Variants in ANK2 observed in about 807,000 individuals in gnomAD.
The protein encoded by ANK2 is ankyrin-2.
ANK2 carries 83 observed loss-of-function variants against 360.5 expected under a neutral mutation model. The ratio of observed to expected loss-of-function variants is 0.23; its 90% CI spans 0.19 to 0.28. ANK2 has a LOEUF of 0.28. ANK2 is among the 10% of genes least tolerant of loss of function. The pLI, the probability that ANK2 is intolerant of heterozygous loss-of-function variation, is 1.00. For missense variants in ANK2, 4,201 were observed against 4,795.7 expected (o/e 0.88, Z 3.66); for synonymous variants, 1,740 against 1,759.5 (o/e 0.99, Z 0.28).
At chr4:113,340,092 G>A (rs1402676242) in intron 32 of ANK2, among the ~76,000 whole-genome samples, 1 of 152,194 alleles carries the variant, frequency 6.6e-6, no homozygotes, top group Non-Finnish European at 1.5e-5. Context: ...CCACCCAGAG[G>A]CTCAACTATT....
chr4:113,210,406 G>A (rs1049501179), intron 4 of ANK2, among the ~76,000 whole-genome samples: 1 of 152,208 alleles, frequency 6.6e-6, no homozygotes, highest in Admixed American at 6.5e-5. Flanking sequence ...AGGACTTTGG[G>A]TCCTTAGTAT....
At chr4:113,260,310 A>G (rs29419) in intron 13 of ANK2, among the ~76,000 whole-genome samples, 4,343 of 152,330 alleles carry the variant, frequency 0.029, 101 homozygotes, top group East Asian at 0.068. Flanking sequence ...ATTAATTGAA[A>G]CAAACAATTT....
At chr4:112,772,706 T>C in the ANK2 span, among the ~76,000 whole-genome samples, 1 of 152,300 alleles carries the variant, frequency 6.6e-6, no homozygotes, top group African/African-American at 2.4e-5. Context: ...AGGGGAGTGT[T>C]GAGGCCCTTG....
chr4:112,742,467 A>G, the ANK2 span, among the ~76,000 whole-genome samples: 2 of 151,942 alleles, frequency 1.3e-5, no homozygotes, highest in Non-Finnish European at 2.9e-5. Context: ...CACACCCTAG[A>G]TAAGATTGGC....
chr4:113,079,316 C>T (rs1033247164), intron 1 of ANK2, among the ~76,000 whole-genome samples: 16 of 152,192 alleles, frequency 1.1e-4, no homozygotes, highest in Non-Finnish European at 1.5e-4. Context: ...TTCTAACCTA[C>T]ATGAACTGGG....
In ANK2 at chr4:113,274,532, T is replaced by C. The variant is rs777964544; in HGVS notation, c.1566T>C (p.His522=). 6.2e-7 allele frequency: 1 copy of C among 1,614,216 alleles called. No individual in the cohort carries two copies. Among genetic ancestry groups the C allele is most frequent in the Non-Finnish European group, 8.5e-7 (1 of 1,180,036 alleles). ...AGCTGCTTCTACAACATATGGCTCA[T>C]CCAGATGCGGCCACTACAAATGGGT... ...IVQLLLQHMA[H]PDAATTNGYT... is the part of the protein sequence containing the mutation. The change falls in exon 15 of 46, where the codon CAT becomes CAC. Residue 522 remains histidine, a synonymous_variant. Coordinates refer to ENST00000357077, the MANE Select transcript of ANK2 (RefSeq NM_001148.6).
chr4:113,195,253 T>G (rs1444748348), intron 2 of ANK2, among the ~76,000 whole-genome samples: 1 of 152,114 alleles, frequency 6.6e-6, no homozygotes, highest in Non-Finnish European at 1.5e-5. Flanking sequence ...GGTCAGGAAT[T>G]AACAATGAAA....
chr4:112,734,653 G>A, the ANK2 span, among the ~76,000 whole-genome samples: 2 of 152,220 alleles, frequency 1.3e-5, no homozygotes, highest in South Asian at 2.1e-4. Flanking sequence ...CTTATGCCAC[G>A]TATAATAACA....
chr4:112,767,713 T>C, the ANK2 span, among the ~76,000 whole-genome samples: 1 of 152,236 alleles, frequency 6.6e-6, no homozygotes, highest in Non-Finnish European at 1.5e-5. Flanking sequence ...ATATATGTTA[T>C]GAGTATGTAG....
chr4:112,964,473 C>G (rs1299366807), intron 2 of ANK2, among the ~76,000 whole-genome samples: 2 of 152,032 alleles, frequency 1.3e-5, no homozygotes, highest in African/African-American at 4.8e-5. Flanking sequence ...ATAATGACCT[C>G]CAGTTCCATC....
At chr4:112,782,869 C>CA in the ANK2 span, among the ~76,000 whole-genome samples, 19 of 129,980 alleles carry the variant, frequency 1.5e-4, no homozygotes, top group African/African-American at 4.9e-4. Flanking sequence ...GACTCCATCT[C>CA]AAAAAAAACA....
chr4:113,122,466 A>G (rs937004358), intron 1 of ANK2, among the ~76,000 whole-genome samples: 1 of 152,154 alleles, frequency 6.6e-6, no homozygotes, highest in East Asian at 1.9e-4. Flanking sequence ...CTCTACAAAC[A>G]TGGGAAATCT....
intron 2 of ANK2, among the ~76,000 whole-genome samples, chr4:112,935,186 G>A (rs1266698539): frequency 6.6e-6 from 1 of 151,926 alleles, no homozygotes; most frequent in African/African-American, 2.4e-5. Flanking sequence ...TGCCTTATAA[G>A]TTCTTGGCTT....
At chr4:113,049,191 A>G (rs1300400026), upstream of ANK2, among the ~76,000 whole-genome samples, 1 of 152,190 alleles carries the variant, frequency 6.6e-6, no homozygotes, top group East Asian at 1.9e-4. Context: ...AAACCAAGTG[A>G]ATGACATCTG....
At chr4:113,148,348 A>G (rs896779037) in intron 1 of ANK2, among the ~76,000 whole-genome samples, 4 of 152,200 alleles carry the variant, frequency 2.6e-5, no homozygotes, top group African/African-American at 9.6e-5. Context: ...GAGCAAAACC[A>G]TAGATGCGAT....
chr4:113,275,351 T>A (rs910921670), intron 15 of ANK2, among the ~76,000 whole-genome samples: 5 of 152,196 alleles, frequency 3.3e-5, no homozygotes, highest in African/African-American at 1.2e-4. Context: ...GAATAAAACA[T>A]GAATATACTC....
At chr4:113,129,287 G>GT (rs1394330499) in intron 1 of ANK2, among the ~76,000 whole-genome samples, 1 of 152,136 alleles carries the variant, frequency 6.6e-6, no homozygotes, top group African/African-American at 2.4e-5. Flanking sequence ...TCTAGCTTGT[G>GT]TTTAACTATC....
Position 113,339,211 on chromosome 4 carries a change from A to G in ANK2, c.3797-15A>G. ...GAGTTTTGCCTGATTTTTTTCAACA[A>G]TCATATTATTTCAGGTGGAACCACC... On this transcript the variant is annotated splice_polypyrimidine_tract_variant and intron_variant, in intron 31 of 45. Coordinates refer to ENST00000357077, the MANE Select transcript of ANK2 (RefSeq NM_001148.6). 1.2e-6 allele frequency: 2 copies of G among 1,602,596 alleles called. No homozygotes were observed. The highest frequency in any genetic ancestry group is 8.5e-7 in the Non-Finnish European group (1 of 1,170,200).
At chr4:112,876,410 G>GT (rs2075123235) in intron 1 of ANK2, among the ~76,000 whole-genome samples, 1 of 152,056 alleles carries the variant, frequency 6.6e-6, no homozygotes, top group Admixed American at 6.5e-5. Flanking sequence ...AAATTAGGGT[G>GT]TTTTTATTTA....
Sources: gnomAD v4.1 joint callset for allele counts (sites outside exome capture counted in the v4.1 genomes callset) on GRCh38, gnomAD v4.1.1 for gene constraint, MANE v1.5 for transcripts, NCBI Gene and HGNC (gene_info 2026-07-23, HGNC 2026-07-21) for gene names.